COL4A4: variants seen among roughly 807,000 people sequenced by gnomAD.
The protein encoded by COL4A4 is collagen alpha-4(IV) chain.
Under a neutral mutation model 192.9 loss-of-function variants are expected in COL4A4, and 105 were observed. That is an observed-to-expected ratio of 0.54 (90% CI 0.46 to 0.64). The LOEUF (loss-of-function observed/expected upper bound fraction) is 0.64. COL4A4 is among the 30% of genes least tolerant of loss of function. The probability of loss-of-function intolerance (pLI) is 0.00; values close to 1 mark genes in which losing one functional copy is unlikely to be tolerated. For missense variants in COL4A4, 1,967 were observed against 2,169.3 expected (o/e 0.91, Z 1.85); for synonymous variants, 762 against 769.9 (o/e 0.99, Z 0.17).
intron 35 of COL4A4, among the ~76,000 whole-genome samples, chr2:227,045,961 A>G (rs1282345200): frequency 2.1e-5 from 2 of 93,352 alleles, no homozygotes; most frequent in South Asian, 8.3e-4. Flanking sequence ...GTATATATGT[A>G]TATATTTATA....
downstream of COL4A4, among the ~76,000 whole-genome samples, chr2:227,001,951 T>G (rs1420416980): frequency 2.6e-5 from 4 of 152,146 alleles, no homozygotes; most frequent in African/African-American, 4.8e-5. Context: ...GGCAGGAGGA[T>G]GATTTGAAGC....
chr2:227,066,963 A>T (rs995914479), intron 25 of COL4A4, among the ~76,000 whole-genome samples: 61 of 146,834 alleles, frequency 4.2e-4, no homozygotes, highest in South Asian at 6.8e-4. Context: ...TGCTGTATTC[A>T]GCAAACCCAT....
the COL4A4 span, among the ~76,000 whole-genome samples, chr2:226,974,178 C>T: frequency 3.3e-5 from 5 of 152,188 alleles, no homozygotes; most frequent in South Asian, 6.2e-4. Context: ...GGGAAGGTTC[C>T]GCTGAAGAGG....
Position 227,060,198 on chromosome 2 carries a change from C to A in COL4A4, c.2102G>T (p.Gly701Val), listed in dbSNP as rs781014928. The change falls in exon 27 of 48, where the codon GGT becomes GTT. Residue 701 changes from glycine (G) to valine (V), a missense_variant. By Grantham distance (109) the Gly-to-Val change is moderately radical (BLOSUM62 -3). Transcript: ENST00000396625. ...AGGTCTGCCTTTATGCCCATCTGAA[C>A]CACTCAGCCCAGGGGCACCTTGGGG... The part of the protein sequence containing the change: ...PGPQGAPGLS[G>V]SDGHKGRPGT... The A allele has an allele frequency of 1.2e-6, 2 of 1,611,388 alleles. No homozygotes were observed. The highest frequency in any genetic ancestry group is 1.1e-5 in the South Asian group (1 of 90,820).
At chr2:226,974,361 C>A in the COL4A4 span, among the ~76,000 whole-genome samples, 1 of 152,064 alleles carries the variant, frequency 6.6e-6, no homozygotes, top group African/African-American at 2.4e-5. Flanking sequence ...CCTCAGCCTC[C>A]TGAGTAGCTG....
intron 12 of COL4A4, among the ~76,000 whole-genome samples, chr2:227,106,717 C>T (rs376545094): frequency 2.0e-5 from 3 of 152,308 alleles, no homozygotes; most frequent in East Asian, 1.9e-4. Context: ...AGGCACACGC[C>T]ACCATGCCCG....
chr2:227,115,313 C>G (rs984983766), intron 7 of COL4A4, among the ~76,000 whole-genome samples: 1 of 146,720 alleles, frequency 6.8e-6, no homozygotes. Flanking sequence ...CTCTGTCTAC[C>G]AGGCTGGAGT....
At chr2:227,133,846 G>A (rs1274436903) in intron 4 of COL4A4, among the ~76,000 whole-genome samples, 2 of 151,000 alleles carry the variant, frequency 1.3e-5, no homozygotes, top group Non-Finnish European at 2.9e-5. Context: ...AGCCAAGATA[G>A]CGCCACGACA....
At chr2:226,969,806 ACT>A in the COL4A4 span, among the ~76,000 whole-genome samples, 4 of 151,786 alleles carry the variant, frequency 2.6e-5, no homozygotes, top group Admixed American at 6.6e-5. Context: ...TTTTTAGTAG[ACT>A]CTCATTCTTC....
At chr2:227,023,188 C>T (rs1966352462) in intron 43 of COL4A4, among the ~76,000 whole-genome samples, 1 of 151,846 alleles carries the variant, frequency 6.6e-6, no homozygotes, top group Non-Finnish European at 1.5e-5. Flanking sequence ...CACCTGTAAT[C>T]CCAGCACTTT....
intron 4 of COL4A4, among the ~76,000 whole-genome samples, chr2:227,130,034 G>A (rs1307775888): frequency 1.3e-5 from 2 of 152,132 alleles, no homozygotes; most frequent in East Asian, 1.9e-4. Context: ...AGTGCCTCCA[G>A]GAGCCTCCCC....
chr2:227,062,360 A>T (rs1403506856), intron 26 of COL4A4, among the ~76,000 whole-genome samples, 170 bp downstream of exon 26: 1 of 152,158 alleles, frequency 6.6e-6, no homozygotes, highest in Non-Finnish European at 1.5e-5. Flanking sequence ...AGCAGACTAG[A>T]GGCCCAACTA....
At chr2:227,094,638 T>C (rs1040892906) in intron 19 of COL4A4, among the ~76,000 whole-genome samples, 2 of 152,100 alleles carry the variant, frequency 1.3e-5, no homozygotes, top group Admixed American at 1.3e-4. Flanking sequence ...AGCGTGAAAA[T>C]GATAGTTAAC....
rs143975605 is a variant in COL4A4, at chr2:227,102,950, A to G, written c.871-102T>C. ...GGGAAAAAAAACAAAATGAGAAACA[A>G]AAATTATTGTCAGCAGCTTAAAGAA... On this transcript the variant is annotated intron_variant, in intron 14 of 47. Coordinates refer to ENST00000396625, the MANE Select transcript of COL4A4 (RefSeq NM_000092.5). The G allele has an allele frequency of 1.0e-3, 1,228 of 1,225,748 alleles. 13 individuals carry two copies. The African/African-American group carries it at 0.014, about 14-fold the overall frequency. 75.9% of individuals were successfully genotyped at this position (1,225,748 alleles called of 1,614,324 possible).
At position 227,087,702 on chromosome 2, in the gene COL4A4, G is replaced by A. The variant is rs568360336; in HGVS notation, c.1623+951C>T. Among the ~76,000 whole-genome samples the A allele has an allele frequency of 7.9e-5, 12 of 152,214 alleles. No homozygotes were observed. In the East Asian group the frequency reaches 2.3e-3, roughly 29 times the overall value. The stretch of plus-strand genomic sequence containing the variant: ...CCCAGCCAATGTCCCTTATCCATAT[G>A]GTCTATGCTCCACAGAGCAACCAGA... On this transcript the variant is annotated intron_variant, in intron 22 of 47. Transcript: ENST00000396625.
intron 29 of COL4A4, 57 bp from the exon 30 acceptor site, chr2:227,056,172 A>C: frequency 1.3e-6 from 2 of 1,484,858 alleles, no homozygotes; most frequent in Admixed American, 1.7e-5. Context: ...CTTCACACAC[A>C]GCAGGAAAAA....
chr2:227,083,815 T>C (rs1449718868), intron 22 of COL4A4, among the ~76,000 whole-genome samples: 1 of 152,158 alleles, frequency 6.6e-6, no homozygotes, highest in African/African-American at 2.4e-5. Context: ...TAACCGGCTG[T>C]ACTAATTTAT....
At chr2:227,016,854 G>T (rs949254174) in intron 44 of COL4A4, among the ~76,000 whole-genome samples, 3 of 152,136 alleles carry the variant, frequency 2.0e-5, no homozygotes, top group African/African-American at 4.8e-5. Context: ...GCTGTATGTG[G>T]TTACCATTCA....
Position 227,032,022 on chromosome 2 carries a change from G to T in COL4A4, c.3740C>A (p.Thr1247Lys). 6.2e-7 allele frequency: 1 copy of T among 1,614,102 alleles called. No individual in the cohort carries two copies. The highest frequency in any genetic ancestry group is 8.5e-7 in the Non-Finnish European group (1 of 1,179,960). ...SSGPPGPAGA[T>K]GRAPKDIPDP... ...AGGAATGTCCTTAGGAGCTCTTCCT[G>T]TGGCACCTGCAGGACCAGGTGGTCC... Residue 1247 changes from threonine (T) to lysine (K), a missense_variant, in exon 40 of 48, where the codon ACA (threonine) becomes AAA (lysine). Thr to Lys is a moderately conservative substitution (Grantham distance 78). Transcript: ENST00000396625.
Sources: allele counts gnomAD v4.1 joint callset (sites outside exome capture counted in the v4.1 genomes callset), GRCh38; gene constraint gnomAD v4.1.1; transcripts MANE v1.5; gene names NCBI Gene and HGNC (gene_info 2026-07-23, HGNC 2026-07-21).